Variants in SCGB2B2 observed in about 807,000 individuals in gnomAD.
SCGB2B2 encodes secretoglobin-like protein.
Under a neutral mutation model 7.6 loss-of-function variants are expected in SCGB2B2, and 11 were observed. The observed-to-expected ratio is 1.45, with a 90% CI of 0.91 to 2.40. The LOEUF (loss-of-function observed/expected upper bound fraction) is 2.40, where lower values mean the gene tolerates loss of function less well. Ranked by LOEUF, SCGB2B2 falls within the 30% of genes most tolerant of loss-of-function variation. SCGB2B2 has a pLI of 0.00. For missense variants in SCGB2B2, 104 were observed against 115.4 expected (o/e 0.90, Z 0.45); for synonymous variants, 50 against 48.6 (o/e 1.03, Z -0.12).
chr19:34,666,270 C>T (rs1056758712), intron 1 of SCGB2B2, among the ~76,000 whole-genome samples: 1 of 152,094 alleles, frequency 6.6e-6, no homozygotes, highest in African/African-American at 2.4e-5. Flanking sequence ...GCCACAATCA[C>T]ACCCGCATAT....
chr19:34,607,152 C>A (rs1051936068), intron 1 of SCGB2B2, among the ~76,000 whole-genome samples: 3 of 152,208 alleles, frequency 2.0e-5, no homozygotes, highest in African/African-American at 7.2e-5. Flanking sequence ...ATTTGTGTTT[C>A]TGTGTCTAGC....
At chr19:34,602,942 T>C (rs891078096) in intron 1 of SCGB2B2, among the ~76,000 whole-genome samples, 2 of 152,190 alleles carry the variant, frequency 1.3e-5, no homozygotes, top group South Asian at 2.1e-4. Flanking sequence ...TTTTTTATTG[T>C]TTGGAAGAAT....
rs140704106 is a variant in SCGB2B2 at position 34,630,420 on chromosome 19, A to G, written c.-2031-33826T>C. On this transcript the variant is annotated intron_variant, in intron 1 of 3. Coordinates refer to ENST00000601241, the MANE Select transcript of SCGB2B2 (RefSeq NM_001025591.4). ...ATGAACCCAAACAAATTTACAACAA[A>G]AAAACAAACAACCCCATCAACAAGT... Among the ~76,000 whole-genome samples the G allele has an allele frequency of 3.1e-3, 468 of 152,092 alleles. 2 individuals are homozygous for G. The highest frequency in any genetic ancestry group is 0.011 in the African/African-American group (448 of 41,542).
At position 34,594,340 on chromosome 19, in the gene SCGB2B2, G is replaced by A. The variant is rs2065382669; in HGVS notation, c.81C>T (p.Ile27=). Residue 27 remains isoleucine (I), a synonymous_variant, in exon 3 of 4, where the codon ATC becomes ATT. Transcript: ENST00000601241. Reference sequence around the variant, plus strand: ...ACACAACATTCGCAAGCAGTTTATCGATATCCAGGCAGGCATCCCCTGTGG... The same window carrying A: ...ACACAACATTCGCAAGCAGTTTATCAATATCCAGGCAGGCATCCCCTGTGG... ...SVQLGDACLD[I]DKLLANVVFD... 6 of 1,614,006 alleles carry A rather than the reference G, an allele frequency of 3.7e-6. No individual in the cohort carries two copies. Among genetic ancestry groups the A allele is most frequent in the East Asian group, 4.5e-5 (2 of 44,854 alleles).
chr19:34,603,633 A>G (rs189805901), intron 1 of SCGB2B2, among the ~76,000 whole-genome samples: 1 of 152,168 alleles, frequency 6.6e-6, no homozygotes, highest in Non-Finnish European at 1.5e-5. Flanking sequence ...TTATAGGGAG[A>G]GAGCCTAGGC....
At chr19:34,652,547 G>T (rs2067188086) in intron 1 of SCGB2B2, among the ~76,000 whole-genome samples, 1 of 151,220 alleles carries the variant, frequency 6.6e-6, no homozygotes, top group South Asian at 2.1e-4. Flanking sequence ...GGTATTTTTA[G>T]ATGAGATCTG....
At chr19:34,658,865 T>C (rs906773804) in intron 1 of SCGB2B2, among the ~76,000 whole-genome samples, 4 of 146,524 alleles carry the variant, frequency 2.7e-5, no homozygotes, top group Admixed American at 6.8e-5. Flanking sequence ...ATATCCCTGA[T>C]GAACATCCAT....
At chr19:34,635,047 G>A in intron 1 of SCGB2B2, 1 of 293,356 alleles carries the variant, frequency 3.4e-6, no homozygotes, top group Non-Finnish European at 7.1e-6. Flanking sequence ...CCAATGCCGA[G>A]CAAGTGTGAT....
At chr19:34,643,615 TG>T (rs2066907039) in intron 1 of SCGB2B2, among the ~76,000 whole-genome samples, 1 of 152,206 alleles carries the variant, frequency 6.6e-6, no homozygotes, top group Admixed American at 6.5e-5. Context: ...CTCCAAGCGA[TG>T]GACCCTTCAA....
intron 1 of SCGB2B2, among the ~76,000 whole-genome samples, chr19:34,656,282 T>C (rs2067281138): frequency 6.6e-6 from 1 of 151,414 alleles, no homozygotes; most frequent in South Asian, 2.1e-4. Context: ...GTGAGATATG[T>C]TATAAAATTC....
chr19:34,651,234 T>C (rs939894627), intron 1 of SCGB2B2, among the ~76,000 whole-genome samples: 14 of 151,222 alleles, frequency 9.3e-5, no homozygotes, highest in Non-Finnish European at 2.1e-4. Flanking sequence ...AATATAGTAC[T>C]GGAAGTCCTA....
rs566181990 is a variant in SCGB2B2, at chr19:34,667,147, C to T, written c.-2032+8483G>A. Among the ~76,000 whole-genome samples the T allele has an allele frequency of 3.9e-5, 6 of 152,246 alleles. No homozygotes were observed. In the South Asian group the frequency reaches 1.0e-3, roughly 26 times the overall value. ...TCTGTTCCCTGAGAGCCTCTCTCTC[C>T]ACCCAAACACTTCCCCACCTCTCAC... On this transcript the variant is annotated intron_variant, in intron 1 of 3. Coordinates refer to ENST00000601241, the MANE Select transcript of SCGB2B2 (RefSeq NM_001025591.4).
chr19:34,630,376 C>T (rs2066495205), intron 1 of SCGB2B2, among the ~76,000 whole-genome samples: 1 of 151,686 alleles, frequency 6.6e-6, no homozygotes, highest in South Asian at 2.1e-4. Context: ...TGACAAAGGG[C>T]TAATATCCAG....
intron 3 of SCGB2B2, among the ~76,000 whole-genome samples, 185 bp from the exon 4 acceptor site, chr19:34,593,784 G>A (rs2065362046): frequency 6.6e-6 from 1 of 152,048 alleles, no homozygotes; most frequent in Non-Finnish European, 1.5e-5. Context: ...GACTCTGCAT[G>A]TGTTGGTGTA....
At chr19:34,608,685 A>ATATATATATATATATATATATATC (rs1489127995) in intron 1 of SCGB2B2, 1 of 131,476 alleles carries the variant, frequency 7.6e-6, no homozygotes, top group African/African-American at 2.8e-5. Flanking sequence ...ATATATATAT[A>ATATATATATATATATATATATATC]CCGTATTTTC....
Position 34,675,742 on chromosome 19 carries a change from A to C in SCGB2B2, c.-2144T>G, listed in dbSNP as rs2067908507. 6.5e-6 allele frequency: 1 copy of C among 152,836 alleles called. No individual in the cohort carries two copies. Among genetic ancestry groups the C allele is most frequent in the African/African-American group, 2.4e-5 (1 of 41,414 alleles). 9.5% of individuals were successfully genotyped at this position (152,836 alleles called of 1,614,324 possible). A position where few individuals can be genotyped will look rare whatever the true frequency, so the allele number is the denominator to read the frequency against. ...TGCAGACCCTCGCGGTGTGTGTTACAGCTCATAAAGGCGGTGCGTCTGGAG... is the reference window on the plus strand; with the variant it reads ...TGCAGACCCTCGCGGTGTGTGTTACCGCTCATAAAGGCGGTGCGTCTGGAG... On this transcript the variant is annotated 5_prime_UTR_variant, in exon 1 of 4. Transcript: ENST00000601241.
At chr19:34,621,010 A>G (rs2066227291) in intron 1 of SCGB2B2, among the ~76,000 whole-genome samples, 1 of 152,190 alleles carries the variant, frequency 6.6e-6, no homozygotes, top group Non-Finnish European at 1.5e-5. Flanking sequence ...TGCAAAAAAA[A>G]GAGAATGTTC....
At chr19:34,649,281 A>C (rs1005718536) in intron 1 of SCGB2B2, among the ~76,000 whole-genome samples, 1 of 152,172 alleles carries the variant, frequency 6.6e-6, no homozygotes, top group Non-Finnish European at 1.5e-5. Flanking sequence ...GTTTTTATGT[A>C]TAACTTCAAA....
At position 34,602,146 on chromosome 19, in the gene SCGB2B2, A is replaced by T. The variant is rs539986906; in HGVS notation, c.-2031-5552T>A. ...TTCTGTCTTCTAAGAGCATTTTTTT[A>T]AAAAAGGAAAGATGATGAATTTTAG... On this transcript the variant is annotated intron_variant, in intron 1 of 3. Coordinates refer to ENST00000601241, the MANE Select transcript of SCGB2B2 (RefSeq NM_001025591.4). Among the ~76,000 whole-genome samples, 5 of 152,244 alleles carry T rather than the reference A, an allele frequency of 3.3e-5. No individual in the cohort carries two copies. In the South Asian group the frequency reaches 8.3e-4, roughly 25 times the overall value.
Sources: gnomAD v4.1 joint callset for allele counts (sites outside exome capture counted in the v4.1 genomes callset) on GRCh38, gnomAD v4.1.1 for gene constraint, MANE v1.5 for transcripts, NCBI Gene and HGNC (gene_info 2026-07-23, HGNC 2026-07-21) for gene names.